Variants in TENM3 observed in about 807,000 individuals in gnomAD.
TENM3 encodes teneurin transmembrane protein 3, also known as teneurin-3.
A neutral mutation model predicts 255.1 loss-of-function variants in TENM3; 63 were observed. That is an observed-to-expected ratio of 0.25 (90% CI 0.20 to 0.30). TENM3 has a LOEUF of 0.30. Among genes scored for constraint, TENM3 ranks in the 10% least tolerant of loss-of-function variants. The pLI is 1.00. For missense variants in TENM3, 2,929 were observed against 3,461.1 expected (o/e 0.85, Z 3.86); for synonymous variants, 1,306 against 1,322.3 (o/e 0.99, Z 0.27).
chr4:182,010,806 A>T, the TENM3 span, among the ~76,000 whole-genome samples: 3 of 152,244 alleles, frequency 2.0e-5, no homozygotes, highest in African/African-American at 4.8e-5. Context: ...CCTATATGTC[A>T]TGCTAAGAAG....
intron 1 of TENM3, among the ~76,000 whole-genome samples, chr4:182,172,157 G>A (rs1342247972): frequency 3.3e-5 from 5 of 151,946 alleles, no homozygotes; most frequent in Non-Finnish European, 7.4e-5. Context: ...GTTTTCCATA[G>A]GATATCATTT....
chr4:182,252,182 C>CA (rs11322561), intron 1 of TENM3, among the ~76,000 whole-genome samples: 1,764 of 131,482 alleles, frequency 0.013, 14 homozygotes, highest in African/African-American at 0.019. Context: ...GACTCCATCT[C>CA]AAAAAAAAAA....
chr4:182,676,823 C>A (rs763427243), intron 7 of TENM3, among the ~76,000 whole-genome samples: 1 of 152,106 alleles, frequency 6.6e-6, no homozygotes, highest in African/African-American at 2.4e-5. Context: ...AATATTAAAT[C>A]GTAAGAAAAT....
intron 3 of TENM3, among the ~76,000 whole-genome samples, chr4:182,539,095 T>G (rs4619936): frequency 0.89 from 134,459 of 150,718 alleles, 60,104 homozygotes; most frequent in East Asian, 0.96. Flanking sequence ...AAAGCATAGA[T>G]TGGGAAGAGA....
the TENM3 span, among the ~76,000 whole-genome samples, chr4:181,834,114 T>TAAA: frequency 7.4e-6 from 1 of 135,518 alleles, no homozygotes; most frequent in African/African-American, 2.7e-5. Context: ...ATAAATTTGC[T>TAAA]AAAAAAAAAA....
At chr4:181,995,359 C>G in the TENM3 span, among the ~76,000 whole-genome samples, 4 of 151,764 alleles carry the variant, frequency 2.6e-5, no homozygotes, top group Non-Finnish European at 5.9e-5. Flanking sequence ...CCCATTTGTA[C>G]AGTGAACATA....
the TENM3 span, among the ~76,000 whole-genome samples, chr4:181,815,352 C>T: frequency 3.3e-5 from 5 of 149,460 alleles, no homozygotes; most frequent in African/African-American, 1.2e-4. Context: ...ATCCCAGCTA[C>T]TTGGGAGGCT....
rs901310064 is a variant in TENM3 at position 182,704,407 on chromosome 4, G to A, written c.2222-9680G>A. On this transcript the variant is annotated intron_variant, in intron 12 of 27. Coordinates refer to ENST00000511685, the MANE Select transcript of TENM3 (RefSeq NM_001080477.4). ...GTCAGGCATGAAATCCTAAATTGAA[G>A]GAAAATACCAAATTCTGTTCTACCA... Among the ~76,000 whole-genome samples, 21 of 152,110 alleles carry A rather than the reference G, an allele frequency of 1.4e-4. No individual in the cohort carries two copies. The East Asian group carries it at 3.9e-3, about 28-fold the overall frequency.
the TENM3 span, among the ~76,000 whole-genome samples, chr4:182,018,076 A>C: frequency 6.6e-6 from 1 of 152,190 alleles, no homozygotes; most frequent in African/African-American, 2.4e-5. Context: ...GAAGTTAGGG[A>C]ACATCTAATT....
At chr4:182,294,177 T>C (rs1424971878) in intron 1 of TENM3, among the ~76,000 whole-genome samples, 7 of 152,156 alleles carry the variant, frequency 4.6e-5, no homozygotes. Context: ...TTCCTACTAA[T>C]ACTGTGAAAC....
At chr4:181,854,031 G>C in the TENM3 span, among the ~76,000 whole-genome samples, 1 of 152,152 alleles carries the variant, frequency 6.6e-6, no homozygotes, top group Non-Finnish European at 1.5e-5. Context: ...CAACCAGTTG[G>C]TTCTTAATAA....
intron 1 of TENM3, among the ~76,000 whole-genome samples, chr4:182,236,753 A>G (rs186541928): frequency 4.5e-4 from 69 of 152,382 alleles, no homozygotes; most frequent in South Asian, 3.9e-3. Context: ...ATGAAGCAGT[A>G]TAATTTTAAT....
At chr4:181,609,342 G>A in the TENM3 span, among the ~76,000 whole-genome samples, 5,624 of 152,290 alleles carry the variant, frequency 0.037, 120 homozygotes, top group Middle Eastern at 0.051. Context: ...ATAATAGCCA[G>A]TGAAGAGGGT....
the TENM3 span, among the ~76,000 whole-genome samples, chr4:182,099,690 C>G: frequency 1.3e-5 from 2 of 152,094 alleles, no homozygotes; most frequent in African/African-American, 4.8e-5. Context: ...GCAGAGATCA[C>G]AGGGCCTGCG....
At chr4:181,547,946 C>T in the TENM3 span, among the ~76,000 whole-genome samples, 2 of 152,066 alleles carry the variant, frequency 1.3e-5, no homozygotes, top group Admixed American at 1.3e-4. Context: ...TCTCCTAATG[C>T]TATCCCTCCC....
At chr4:182,581,385 A>C (rs1047018888) in intron 3 of TENM3, among the ~76,000 whole-genome samples, 1 of 152,226 alleles carries the variant, frequency 6.6e-6, no homozygotes, top group African/African-American at 2.4e-5. Flanking sequence ...AGCTGAGCCT[A>C]TGGGACTGTA....
intron 3 of TENM3, among the ~76,000 whole-genome samples, chr4:182,541,828 G>A (rs770108272): frequency 8.5e-5 from 13 of 152,112 alleles, no homozygotes; most frequent in Non-Finnish European, 1.8e-4. Context: ...GGAGGCTGAA[G>A]TAGGAGGATT....
chr4:181,526,885 CCT>C, the TENM3 span, among the ~76,000 whole-genome samples: 2 of 152,182 alleles, frequency 1.3e-5, no homozygotes, highest in Admixed American at 6.5e-5. Context: ...TTGTCTGTGA[CCT>C]CTCTTTCGAG....
At position 182,318,266 on chromosome 4, in the gene TENM3, C is replaced by A. The variant is rs1021072313; in HGVS notation, c.-75-5680C>A. On this transcript the variant is annotated intron_variant, in intron 1 of 27. Coordinates refer to ENST00000511685, the MANE Select transcript of TENM3 (RefSeq NM_001080477.4). ...TCAGTCTCTACATAGATATATATAA[C>A]CTTATGGAATTTTAGAACTACAATT... is the stretch of plus-strand genomic sequence containing the variant. Among the ~76,000 whole-genome samples the A allele has an allele frequency of 3.3e-5, 5 of 152,086 alleles. No individual in the cohort carries two copies. The East Asian group carries it at 7.7e-4, about 24-fold the overall frequency.
Sources: allele counts gnomAD v4.1 joint callset (sites outside exome capture counted in the v4.1 genomes callset), GRCh38; gene constraint gnomAD v4.1.1; transcripts MANE v1.5; gene names NCBI Gene and HGNC (gene_info 2026-07-23, HGNC 2026-07-21).